PCDHGA2: variants seen among roughly 807,000 people sequenced by gnomAD.
The protein encoded by PCDHGA2 is protocadherin gamma subfamily A, 2.
PCDHGA2 carries 40 observed loss-of-function variants against 59.2 expected under a neutral mutation model. That is an observed-to-expected ratio of 0.68 (90% CI 0.52 to 0.88). The LOEUF (loss-of-function observed/expected upper bound fraction) is 0.88. PCDHGA2 is among the 40% of genes least tolerant of loss of function. PCDHGA2 has a pLI of 0.00. For missense variants in PCDHGA2, 1,226 were observed against 1,204.0 expected (o/e 1.02, Z -0.27); for synonymous variants, 560 against 526.0 (o/e 1.06, Z -0.89).
chr5:141,454,948 C>T (rs2098807728), intron 1 of PCDHGA2, among the ~76,000 whole-genome samples: 1 of 151,548 alleles, frequency 6.6e-6, no homozygotes, highest in Non-Finnish European at 1.5e-5. Flanking sequence ...GCTGGGACTA[C>T]AGGCGCCGGC....
intron 1 of PCDHGA2, chr5:141,403,711 G>A: frequency 6.2e-7 from 1 of 1,613,930 alleles, no homozygotes; most frequent in South Asian, 1.1e-5. Context: ...AAGTCCTTGA[G>A]AACGTGCCCC....
At chr5:141,418,499 G>A (rs775606988) in intron 1 of PCDHGA2, 1 of 1,613,962 alleles carries the variant, frequency 6.2e-7, no homozygotes, top group Non-Finnish European at 8.5e-7. Context: ...GGTACTGACC[G>A]CCTTAGATGG....
chr5:141,486,722 G>C lies in PCDHGA2; in HGVS notation c.2425-8085G>C, dbSNP rs1235454839. The C allele has an allele frequency of 6.2e-7, 1 of 1,614,200 alleles. No homozygotes were observed. Among genetic ancestry groups the C allele is most frequent in the East Asian group, 2.2e-5 (1 of 44,874 alleles). ...CTCTCTGAACCCCCAGACAGGAGCT[G>C]TTCATGCTACTCGATCCTTTGACTA... On this transcript the variant is annotated intron_variant, in intron 1 of 3. Transcript: ENST00000394576. This position sits in a 1 kb window ranked among gnomAD's most constrained non-coding sequence, Gnocchi z 5.0.
chr5:141,398,374 G>C (rs769693333), intron 1 of PCDHGA2: 3 of 1,438,680 alleles, frequency 2.1e-6, no homozygotes, highest in African/African-American at 1.4e-5. Flanking sequence ...AGAGAGCGGG[G>C]AGTTGCTTGT....
At chr5:141,362,547 T>G (rs1392126264) in intron 1 of PCDHGA2, 19 of 1,613,406 alleles carry the variant, frequency 1.2e-5, no homozygotes, top group Admixed American at 1.7e-5. Flanking sequence ...CCTCAGATAC[T>G]ATTTTGAAGG....
chr5:141,484,230 G>A (rs1325484143), intron 1 of PCDHGA2, among the ~76,000 whole-genome samples: 2 of 152,174 alleles, frequency 1.3e-5, no homozygotes, highest in Non-Finnish European at 2.9e-5. Flanking sequence ...CAGGTAAAGA[G>A]ATCTGGTCCT....
chr5:141,357,115 A>C, intron 1 of PCDHGA2: 3 of 1,613,802 alleles, frequency 1.9e-6, no homozygotes, highest in Non-Finnish European at 2.5e-6. Context: ...AGACGCGCTC[A>C]AGCAGAGGCT....
chr5:141,365,600 G>A (rs1234948467), intron 1 of PCDHGA2: 1 of 1,613,374 alleles, frequency 6.2e-7, no homozygotes, highest in East Asian at 2.2e-5. Context: ...CACTTTAACC[G>A]TCATGGACCA....
intron 1 of PCDHGA2, chr5:141,384,391 G>A: frequency 1.2e-6 from 2 of 1,613,920 alleles, no homozygotes; most frequent in Non-Finnish European, 1.7e-6. Context: ...CACCATCCAG[G>A]GGGCTCCAGT....
At chr5:141,364,591 G>A (rs754833725) in intron 1 of PCDHGA2, 1 of 1,614,194 alleles carries the variant, frequency 6.2e-7, no homozygotes, top group Non-Finnish European at 8.5e-7. Flanking sequence ...TGGTCACCGC[G>A]GGCAGGATAG....
chr5:141,423,265 G>A (rs973635802), intron 1 of PCDHGA2: 15 of 1,613,548 alleles, frequency 9.3e-6, no homozygotes, highest in African/African-American at 1.3e-5. Context: ...CGGCAGCCTC[G>A]AGTCTCTGGC....
chr5:141,345,853 G>T, intron 1 of PCDHGA2: 1 of 1,613,362 alleles, frequency 6.2e-7, no homozygotes, highest in Non-Finnish European at 8.5e-7. Flanking sequence ...CTGTCCTACC[G>T]CCTGCTCAAG....
intron 1 of PCDHGA2, chr5:141,350,563 A>G (rs1758505116): frequency 6.2e-6 from 10 of 1,614,080 alleles, no homozygotes; most frequent in Non-Finnish European, 8.5e-6. Context: ...AGTGTGCACT[A>G]GAATTCGAAA....
chr5:141,451,069 C>G (rs2098705799), intron 1 of PCDHGA2, among the ~76,000 whole-genome samples: 1 of 151,836 alleles, frequency 6.6e-6, no homozygotes, highest in Non-Finnish European at 1.5e-5. Flanking sequence ...ACCTTGTGAT[C>G]CACCCACCTT....
intron 1 of PCDHGA2, chr5:141,393,324 CA>C (rs2092729145): frequency 6.2e-7 from 1 of 1,611,096 alleles, no homozygotes; most frequent in African/African-American, 1.4e-5. Context: ...CCAGAGCTAC[CA>C]GCTCAGCCCC....
chr5:141,345,516 A>C, intron 1 of PCDHGA2: 1 of 1,613,684 alleles, frequency 6.2e-7, no homozygotes, highest in Non-Finnish European at 8.5e-7. Flanking sequence ...GACCGAGGAC[A>C]CTCTCCAGGG....
chr5:141,339,933 C>T lies in PCDHGA2; in HGVS notation c.962C>T (p.Ala321Val), dbSNP rs202021513. The change falls in exon 1 of 4, where the codon GCT (alanine) becomes GTT (valine). Residue 321 changes from alanine (A) to valine (V), a missense_variant. By Grantham distance (64) the Ala-to-Val change is moderately conservative. Transcript: ENST00000394576. ...DATFHEIDIE[A>V]QDGPGLLTRA... ...ACATTCCATGAAATTGATATTGAAG[C>T]TCAGGATGGTCCGGGCCTTCTAACC... 1 of 1,614,112 alleles carries T rather than the reference C, an allele frequency of 6.2e-7. No individual in the cohort carries two copies. The highest frequency in any genetic ancestry group is 2.2e-5 in the East Asian group (1 of 44,876).
intron 1 of PCDHGA2, chr5:141,382,938 C>G (rs1778602174): frequency 6.3e-7 from 1 of 1,592,964 alleles, no homozygotes; most frequent in Admixed American, 1.7e-5. Context: ...ACAGAGGATT[C>G]TTCCTGCTCT....
chr5:141,478,514 G>A, intron 1 of PCDHGA2: 2 of 1,611,534 alleles, frequency 1.2e-6, no homozygotes, highest in Non-Finnish European at 1.7e-6. Context: ...CTATAGGCAG[G>A]TGTTGGGTGC....
Sources: gnomAD v4.1 joint callset for allele counts (sites outside exome capture counted in the v4.1 genomes callset) on GRCh38, gnomAD v4.1.1 for gene constraint, Gnocchi (gnomAD v3.1) non-coding constraint, MANE v1.5 for transcripts, NCBI Gene and HGNC (gene_info 2026-07-23, HGNC 2026-07-21) for gene names.